Variants in PYHIN1 observed in about 807,000 individuals in gnomAD.
PYHIN1 encodes the protein pyrin and HIN domain family member 1, also known as pyrin and HIN domain-containing protein 1.
PYHIN1 carries 32 observed loss-of-function variants against 43.7 expected under a neutral mutation model. That is an observed-to-expected ratio of 0.73 (90% confidence interval 0.55 to 0.98). The LOEUF (loss-of-function observed/expected upper bound fraction) is 0.98. Among genes scored for constraint, PYHIN1 ranks in the 50% least tolerant of loss-of-function variants. The pLI is 0.00. For missense variants in PYHIN1, 588 were observed against 589.5 expected (o/e 1.00, Z 0.03); for synonymous variants, 205 against 203.1 (o/e 1.01, Z -0.08).
At chr1:158,976,266 G>A (rs1347388913) in intron 8 of PYHIN1, among the ~76,000 whole-genome samples, 6 of 152,080 alleles carry the variant, frequency 3.9e-5, no homozygotes, top group Non-Finnish European at 8.8e-5. Flanking sequence ...AAAATGCAAA[G>A]GCTTTCTGAT....
chr1:158,963,591 A>T (rs1405497200), intron 7 of PYHIN1, among the ~76,000 whole-genome samples: 1 of 152,220 alleles, frequency 6.6e-6, no homozygotes, highest in Non-Finnish European at 1.5e-5. Flanking sequence ...CATATGGCAG[A>T]GCAAGAGCCT....
chr1:158,942,389 T>C lies in PYHIN1; in HGVS notation c.992T>C (p.Met331Thr). Residue 331 changes from methionine (M) to threonine (T), a missense_variant, in exon 5 of 9, where the codon ATG becomes ACG. Coordinates refer to ENST00000368140, the MANE Select transcript of PYHIN1 (RefSeq NM_152501.5). ...GGATATATTGTATATGGATTATTTA[T>C]GCTACATACGGTAAGGCATCAAAGC... ...TSGYIVYGLF[M>T]LHTKIVNRKT... 9 of 1,592,242 alleles carry C rather than the reference T, an allele frequency of 5.7e-6. No individual in the cohort carries two copies. The highest frequency in any genetic ancestry group is 2.7e-5 in the African/African-American group (2 of 73,860).
chr1:158,942,260 C>T lies in PYHIN1; in HGVS notation c.863C>T (p.Ser288Phe). 6.2e-7 allele frequency: 1 copy of T among 1,614,092 alleles called. No individual in the cohort carries two copies. The highest frequency in any genetic ancestry group is 1.1e-5 in the South Asian group (1 of 91,072). ...CTCCTAGAGGTGAATGAAGCCTCTT[C>T]TGTATCTGAAGCTGGTCCTGACCAA... is the stretch of plus-strand genomic sequence containing the variant. ...NSLLEVNEAS[S>F]VSEAGPDQTF... The change falls in exon 5 of 9, where the codon TCT (serine) becomes TTT (phenylalanine). Residue 288 changes from serine to phenylalanine, a missense_variant. Transcript: ENST00000368140.
intron 4 of PYHIN1, among the ~76,000 whole-genome samples, chr1:158,941,484 G>A (rs1430150450): frequency 6.6e-6 from 1 of 152,138 alleles, no homozygotes. Context: ...TCTTAGGCAG[G>A]AAAAGTATGA....
chr1:158,954,299 G>T (rs376560970), intron 7 of PYHIN1, among the ~76,000 whole-genome samples: 1 of 64,484 alleles, frequency 1.6e-5, no homozygotes, highest in Non-Finnish European at 3.2e-5. Context: ...CACATAATTG[G>T]CAGATTCACC....
At chr1:158,963,815 A>G (rs980223269) in intron 7 of PYHIN1, among the ~76,000 whole-genome samples, 5 of 152,258 alleles carry the variant, frequency 3.3e-5, no homozygotes, top group African/African-American at 1.2e-4. Context: ...CTGGCAATTC[A>G]GAAAGCCAGA....
At chr1:158,986,060 T>C in the PYHIN1 span, among the ~76,000 whole-genome samples, 1 of 152,328 alleles carries the variant, frequency 6.6e-6, no homozygotes, top group East Asian at 1.9e-4. Flanking sequence ...TGTATTATTT[T>C]ATTGGATTTC....
chr1:158,988,579 A>C, the PYHIN1 span, among the ~76,000 whole-genome samples: 1,435 of 152,306 alleles, frequency 9.4e-3, 15 homozygotes, highest in Non-Finnish European at 0.015. Context: ...GAAGAAAGGC[A>C]ATCCTCATTA....
chr1:158,973,482 G>A (rs762529844), intron 7 of PYHIN1, among the ~76,000 whole-genome samples, 165 bp from the exon 8 acceptor site: 1 of 147,148 alleles, frequency 6.8e-6, no homozygotes, highest in Non-Finnish European at 1.5e-5. Context: ...TTAGCAGAGG[G>A]AAGATTCTAT....
chr1:158,946,592 T>TA (rs1649236605), intron 7 of PYHIN1, among the ~76,000 whole-genome samples: 1 of 150,142 alleles, frequency 6.7e-6, no homozygotes, highest in South Asian at 2.1e-4. Context: ...GATAGATAGA[T>TA]GAAACATAAA....
At chr1:158,978,115 G>GT (rs1355192394), downstream of PYHIN1, among the ~76,000 whole-genome samples, 4 of 151,882 alleles carry the variant, frequency 2.6e-5, no homozygotes, top group African/African-American at 9.7e-5. Context: ...AATAAATGTA[G>GT]TTTTTTTTTC....
intron 1 of PYHIN1, among the ~76,000 whole-genome samples, chr1:158,936,329 C>A (rs150903697): frequency 0.083 from 12,487 of 149,596 alleles, 712 homozygotes; most frequent in Non-Finnish European, 0.12. Context: ...TTTGTCCTTG[C>A]GATAGTTTGC....
chr1:158,969,334 TGCCTATA>T, intron 7 of PYHIN1, among the ~76,000 whole-genome samples: 1 of 151,992 alleles, frequency 6.6e-6, no homozygotes, highest in Admixed American at 6.6e-5. Context: ...ATGAATCAGA[TGCCTATA>T]TCTTCAGTAA....
chr1:158,989,790 A>C, the PYHIN1 span, among the ~76,000 whole-genome samples: 1 of 152,200 alleles, frequency 6.6e-6, no homozygotes, highest in Non-Finnish European at 1.5e-5. Flanking sequence ...ACATTATTAC[A>C]GCAACCCTTT....
Position 158,942,388 on chromosome 1 carries a change from A to T in PYHIN1, c.991A>T (p.Met331Leu), listed in dbSNP as rs201546012. The T allele has an allele frequency of 1.3e-6, 2 of 1,594,464 alleles. No homozygotes were observed. Among genetic ancestry groups the T allele is most frequent in the Non-Finnish European group, 1.7e-6 (2 of 1,172,486 alleles). ...AGGATATATTGTATATGGATTATTT[A>T]TGCTACATACGGTAAGGCATCAAAG... ...TSGYIVYGLF[M>L]LHTKIVNRKT... Residue 331 changes from methionine (M) to leucine (L), a missense_variant, in exon 5 of 9, where the codon ATG becomes TTG. Coordinates refer to ENST00000368140, the MANE Select transcript of PYHIN1 (RefSeq NM_152501.5).
intron 7 of PYHIN1, among the ~76,000 whole-genome samples, chr1:158,948,548 C>A (rs1649349006): frequency 1.3e-5 from 2 of 152,120 alleles, no homozygotes; most frequent in Admixed American, 1.3e-4. Context: ...CGAGGGATTG[C>A]AGTAGTGCAA....
the PYHIN1 span, among the ~76,000 whole-genome samples, chr1:158,984,943 T>C: frequency 6.6e-6 from 1 of 150,726 alleles, no homozygotes; most frequent in Admixed American, 6.7e-5. Context: ...TGGTTTAAGG[T>C]CTGTTTTTTT....
intron 7 of PYHIN1, among the ~76,000 whole-genome samples, chr1:158,963,909 G>T (rs569605153): frequency 1.8e-4 from 28 of 152,214 alleles, no homozygotes; most frequent in African/African-American, 6.7e-4. Context: ...GACAGAAATA[G>T]AATTCAGAAT....
At position 158,973,693 on chromosome 1, in the gene PYHIN1, G is replaced by A. The variant is rs139161219; in HGVS notation, c.1406G>A (p.Arg469Lys). The A allele has an allele frequency of 0.014, 21,830 of 1,613,116 alleles. 207 individuals carry two copies. The highest frequency in any genetic ancestry group is 0.017 in the Non-Finnish European group (19,553 of 1,179,446). Reference sequence around the variant, plus strand: ...GCACAGTCATCGCCTGCAAACTTTAGAATCACCTCACCAACTGTGGCCCCT... The same window carrying A: ...GCACAGTCATCGCCTGCAAACTTTAAAATCACCTCACCAACTGTGGCCCCT... ...PGAQSSPANF[R>K]ITSPTVAPPL... Residue 469 changes from arginine (R) to lysine (K), a missense_variant, in exon 8 of 9, where the codon AGA becomes AAA. Coordinates refer to ENST00000368140, the MANE Select transcript of PYHIN1 (RefSeq NM_152501.5).
Sources: gnomAD v4.1 joint callset for allele counts (sites outside exome capture counted in the v4.1 genomes callset) on GRCh38, gnomAD v4.1.1 for gene constraint, MANE v1.5 for transcripts, NCBI Gene and HGNC (gene_info 2026-07-23, HGNC 2026-07-21) for gene names.